Variants in CACNA1E observed in about 807,000 individuals in gnomAD.
CACNA1E encodes the protein voltage-dependent R-type calcium channel subunit alpha-1E.
Under a neutral mutation model 259.2 loss-of-function variants are expected in CACNA1E, and 40 were observed. That is an observed-to-expected ratio of 0.15 (90% CI 0.12 to 0.20). The LOEUF (loss-of-function observed/expected upper bound fraction) is 0.20, where lower values mean the gene tolerates loss of function less well. Ranked by LOEUF, CACNA1E falls within the 10% of genes least tolerant of loss-of-function variation. The pLI is 1.00. For missense variants in CACNA1E, 1,874 were observed against 3,040.1 expected (o/e 0.62, Z 9.02); for synonymous variants, 1,104 against 1,138.5 (o/e 0.97, Z 0.61).
At chr1:181,543,907 C>T (rs1325176727) in intron 3 of CACNA1E, among the ~76,000 whole-genome samples, 1 of 152,216 alleles carries the variant, frequency 6.6e-6, no homozygotes, top group African/African-American at 2.4e-5. Context: ...TGAAATGGCA[C>T]AGCCTCTTTT....
intron 1 of CACNA1E, among the ~76,000 whole-genome samples, chr1:181,350,473 C>T (rs1430189456): frequency 6.6e-6 from 1 of 152,196 alleles, no homozygotes; most frequent in Non-Finnish European, 1.5e-5. Flanking sequence ...CCTTTTATAA[C>T]CAAGGGTGGG....
intron 1 of CACNA1E, among the ~76,000 whole-genome samples, chr1:181,500,466 G>A (rs987675562): frequency 6.6e-6 from 1 of 152,140 alleles, no homozygotes; most frequent in Non-Finnish European, 1.5e-5. Flanking sequence ...CTACACATTG[G>A]GGCTTTTCCC....
chr1:181,798,469 T>A lies in CACNA1E; in HGVS notation c.6577T>A (p.Ser2193Thr). The A allele has an allele frequency of 6.2e-7, 1 of 1,613,778 alleles. No individual in the cohort carries two copies. Residue 2193 changes from serine (S) to threonine (T), a missense_variant, in exon 48 of 48, where the codon TCC becomes ACC. Ser to Thr is a moderately conservative substitution (Grantham distance 58). Transcript: ENST00000367573. This position sits in a 1 kb window ranked among gnomAD's most constrained non-coding sequence, Gnocchi z 4.2. Reference protein sequence around the residue: ...SPPADGSEEGSPLTSQALESN... With the variant: ...SPPADGSEEGTPLTSQALESN... ...ACCTGCTGATGGAAGCGAGGAGGGC[T>A]CCCCGCTGACCTCCCAAGCTCTGGA...
At chr1:181,572,673 A>G (rs1264504786) in intron 3 of CACNA1E, among the ~76,000 whole-genome samples, 3 of 152,222 alleles carry the variant, frequency 2.0e-5, no homozygotes, top group South Asian at 2.1e-4. Context: ...TTGGGACAGC[A>G]GAGAGCTTAG....
intron 1 of CACNA1E, among the ~76,000 whole-genome samples, chr1:181,407,665 T>G (rs594645): frequency 0.55 from 83,653 of 151,982 alleles, 24,508 homozygotes; most frequent in African/African-American, 0.76. Flanking sequence ...TCCTCCTTTT[T>G]CAGTCAGGTA....
At chr1:181,352,948 C>T (rs1407215145) in intron 1 of CACNA1E, among the ~76,000 whole-genome samples, 2 of 152,114 alleles carry the variant, frequency 1.3e-5, no homozygotes, top group Non-Finnish European at 2.9e-5. Flanking sequence ...CTAGTTCTGA[C>T]CTGAGGGAGG....
At chr1:181,784,911 A>G in intron 41 of CACNA1E, 143 bp downstream of exon 41, 1 of 617,546 alleles carries the variant, frequency 1.6e-6, no homozygotes, top group Non-Finnish European at 2.9e-6. Context: ...TTAAGGATAA[A>G]ACATGTTCTT....
intron 23 of CACNA1E, among the ~76,000 whole-genome samples, chr1:181,738,005 T>A (rs1256662788): frequency 6.6e-6 from 1 of 152,220 alleles, no homozygotes; most frequent in African/African-American, 2.4e-5. Flanking sequence ...CACGGGTATG[T>A]GTCAGGAGAC....
At chr1:181,462,014 T>C (rs758466750) in intron 2 of CACNA1E, among the ~76,000 whole-genome samples, 2 of 152,164 alleles carry the variant, frequency 1.3e-5, no homozygotes, top group Non-Finnish European at 2.9e-5. Flanking sequence ...ACATCTTGCT[T>C]TTGTAACCAG....
At chr1:181,728,583 C>G (rs1384615769) in intron 18 of CACNA1E, among the ~76,000 whole-genome samples, 1 of 151,674 alleles carries the variant, frequency 6.6e-6, no homozygotes, top group African/African-American at 2.4e-5. Flanking sequence ...CGTGTGCACC[C>G]TGCTCGTGTG....
intron 1 of CACNA1E, among the ~76,000 whole-genome samples, chr1:181,352,914 C>A (rs988790467): frequency 5.3e-5 from 8 of 151,832 alleles, no homozygotes; most frequent in Admixed American, 4.6e-4. Context: ...GAGCAGTGGG[C>A]CGGCTCCAGG....
chr1:181,788,358 T>G (rs1325208729), intron 43 of CACNA1E, among the ~76,000 whole-genome samples: 1 of 152,184 alleles, frequency 6.6e-6, no homozygotes, highest in East Asian at 1.9e-4. Context: ...CAGTAGAGGT[T>G]GATCTAGGGG....
At chr1:181,731,026 G>T in intron 18 of CACNA1E, 149 bp from the exon 19 acceptor site, 1 of 658,856 alleles carries the variant, frequency 1.5e-6, no homozygotes, top group Non-Finnish European at 2.8e-6. Flanking sequence ...AATCGAATGT[G>T]GGGAGTCTAC....
intron 6 of CACNA1E, among the ~76,000 whole-genome samples, chr1:181,591,330 C>G (rs2103024557): frequency 6.6e-6 from 1 of 152,252 alleles, no homozygotes; most frequent in East Asian, 1.9e-4. Flanking sequence ...AGAATCAGGC[C>G]CCAGCTTGTT....
chr1:181,768,913 A>T (rs1216819851), intron 35 of CACNA1E, among the ~76,000 whole-genome samples: 1 of 152,258 alleles, frequency 6.6e-6, no homozygotes, highest in Admixed American at 6.5e-5. Flanking sequence ...TTGGAAAAAT[A>T]TTAATAGCAA....
chr1:181,507,302 A>G (rs1167340623), intron 1 of CACNA1E, among the ~76,000 whole-genome samples: 1 of 152,230 alleles, frequency 6.6e-6, no homozygotes, highest in Non-Finnish European at 1.5e-5. Context: ...CACCTGGGCC[A>G]AGAGCCATTC....
intron 6 of CACNA1E, among the ~76,000 whole-genome samples, chr1:181,607,163 A>G (rs755746033): frequency 1.3e-5 from 2 of 152,212 alleles, no homozygotes; most frequent in Admixed American, 1.3e-4. Flanking sequence ...GAGTGAATCT[A>G]TCTCGAACAC....
At chr1:181,715,127 A>G (rs1175289817) in intron 8 of CACNA1E, among the ~76,000 whole-genome samples, 1 of 151,642 alleles carries the variant, frequency 6.6e-6, no homozygotes, top group Non-Finnish European at 1.5e-5. Context: ...TACCCCAAAC[A>G]CCCCCTCCCC....
intron 7 of CACNA1E, among the ~76,000 whole-genome samples, chr1:181,689,676 G>A (rs1425053159): frequency 6.6e-6 from 1 of 152,152 alleles, no homozygotes; most frequent in African/African-American, 2.4e-5. Flanking sequence ...CATTCTAACT[G>A]GCATGAGATG....
Sources: allele counts gnomAD v4.1 joint callset (sites outside exome capture counted in the v4.1 genomes callset), GRCh38; gene constraint gnomAD v4.1.1; non-coding constraint Gnocchi (gnomAD v3.1); transcripts MANE v1.5; gene names NCBI Gene and HGNC (gene_info 2026-07-23, HGNC 2026-07-21).